The following MFHAS1 variants were observed in gnomAD, a reference collection of about 807,000 sequenced individuals.
MFHAS1 encodes the protein malignant fibrous histiocytoma-amplified sequence 1.
In MFHAS1, 50 loss-of-function variants were observed where a neutral mutation model predicts 70.4. That is an observed-to-expected ratio of 0.71 (90% CI 0.57 to 0.90). The LOEUF is 0.90. MFHAS1 is among the 40% of genes least tolerant of loss of function. MFHAS1 has a pLI of 0.00. For missense variants in MFHAS1, 1,795 were observed against 1,347.6 expected (o/e 1.33, Z -5.20); for synonymous variants, 952 against 620.0 (o/e 1.54, Z -7.96).
intron 1 of MFHAS1, among the ~76,000 whole-genome samples, chr8:8,866,837 G>C (rs938575333): frequency 6.6e-6 from 1 of 152,202 alleles, no homozygotes; most frequent in Non-Finnish European, 1.5e-5. Flanking sequence ...TTACCTTGAG[G>C]AATCTGAAAA....
At position 8,892,624 on chromosome 8, in the gene MFHAS1, G is replaced by A; in HGVS notation, c.435C>T (p.Asn145=). Residue 145 remains asparagine, a synonymous_variant, in exon 1 of 3, where the codon AAC becomes AAT. Coordinates refer to ENST00000276282, the MANE Select transcript of MFHAS1 (RefSeq NM_004225.3). The surrounding 1 kb of genome is among the most constrained non-coding windows in gnomAD (Gnocchi z 4.7). ...RELRKLNLSH[N]QLPALPAQLG... is the part of the protein sequence containing the mutation. Reference sequence around the variant, plus strand: ...GCTGGGCGGGCAGGGCGGGCAGCTGGTTGTGGCTGAGGTTGAGCTTCCGCA... The same window carrying A: ...GCTGGGCGGGCAGGGCGGGCAGCTGATTGTGGCTGAGGTTGAGCTTCCGCA... 1 of 1,606,672 alleles carries A rather than the reference G, an allele frequency of 6.2e-7. No homozygotes were observed. Among genetic ancestry groups the A allele is most frequent in the Non-Finnish European group, 8.5e-7 (1 of 1,177,204 alleles).
intron 1 of MFHAS1, among the ~76,000 whole-genome samples, chr8:8,802,640 A>C (rs558640819): frequency 6.6e-6 from 1 of 152,306 alleles, no homozygotes; most frequent in South Asian, 2.1e-4. Context: ...GGTATGGAGC[A>C]GCTCCTTGCA....
chr8:8,842,439 G>A (rs936389793), intron 1 of MFHAS1, among the ~76,000 whole-genome samples: 1 of 152,132 alleles, frequency 6.6e-6, no homozygotes, highest in Non-Finnish European at 1.5e-5. Flanking sequence ...ACCCACCTCA[G>A]CCTCCCAAAG....
At chr8:8,791,377 G>T (rs1805714539) in intron 2 of MFHAS1, among the ~76,000 whole-genome samples, 1 of 152,110 alleles carries the variant, frequency 6.6e-6, no homozygotes, top group African/African-American at 2.4e-5. Flanking sequence ...ATGCCTCAAG[G>T]TAAAACATTT....
rs137896964 is a variant in MFHAS1 at position 8,832,627 on chromosome 8, C to CTTTT, written c.2999-35140_2999-35137dup. ...CATGTGATGCAACCAGAATTTTTTT[C>CTTTT]TTTTTTTTTTTTTTTTTTCAAGACA... is the stretch of plus-strand genomic sequence containing the variant. On this transcript the variant is annotated intron_variant, in intron 1 of 2. Transcript: ENST00000276282. Among the ~76,000 whole-genome samples the CTTTT allele has an allele frequency of 2.4e-4, 29 of 121,912 alleles. 1 individual carries two copies. Among genetic ancestry groups the CTTTT allele is most frequent in the Admixed American group, 4.1e-4 (4 of 9,730 alleles). The allele number at this position is 121,912 out of a possible 152,430, so 80.0% of individuals were successfully genotyped here.
intron 2 of MFHAS1, among the ~76,000 whole-genome samples, chr8:8,788,697 T>C (rs1805630858): frequency 6.6e-6 from 1 of 151,942 alleles, no homozygotes; most frequent in Non-Finnish European, 1.5e-5. Context: ...AAACAAAAAG[T>C]ATTGAGGAGA....
intron 2 of MFHAS1, 114 bp from the exon 3 acceptor site, chr8:8,786,169 T>C (rs1248869503): frequency 3.0e-6 from 3 of 1,004,676 alleles, no homozygotes; most frequent in Non-Finnish European, 4.7e-6. Flanking sequence ...CATATTTTCA[T>C]TTCTACTTCC....
chr8:8,886,481 G>A (rs1335216933), intron 1 of MFHAS1, among the ~76,000 whole-genome samples: 1 of 151,968 alleles, frequency 6.6e-6, no homozygotes, highest in Non-Finnish European at 1.5e-5. Flanking sequence ...TACTTTTCTT[G>A]TATAAACCAA....
At chr8:8,875,081 T>C (rs1262897742) in intron 1 of MFHAS1, among the ~76,000 whole-genome samples, 1 of 152,216 alleles carries the variant, frequency 6.6e-6, no homozygotes, top group Non-Finnish European at 1.5e-5. Flanking sequence ...ATTTTATAGA[T>C]GATACCCAAT....
At chr8:8,824,227 C>T (rs1329509786) in intron 1 of MFHAS1, among the ~76,000 whole-genome samples, 7 of 151,868 alleles carry the variant, frequency 4.6e-5, no homozygotes, top group Non-Finnish European at 1.0e-4. Flanking sequence ...CTGCGGGGAG[C>T]AGGATGCCTG....
At chr8:8,860,341 TAAC>T (rs1053559812) in intron 1 of MFHAS1, among the ~76,000 whole-genome samples, 5 of 152,110 alleles carry the variant, frequency 3.3e-5, no homozygotes, top group African/African-American at 9.7e-5. Flanking sequence ...CATGTAAAAA[TAAC>T]AACAACCCCT....
chr8:8,784,843 T>G lies in MFHAS1; in HGVS notation c.*1179A>C, dbSNP rs1171275091. 6.6e-6 allele frequency: 1 copy of G among 152,228 alleles called. No homozygotes were observed. The highest frequency in any genetic ancestry group is 1.9e-4 in the East Asian group (1 of 5,204). The allele number at this position is 152,228 out of a possible 1,614,324, so 9.4% of individuals were successfully genotyped here. On this transcript the variant is annotated 3_prime_UTR_variant, in exon 3 of 3. Coordinates refer to ENST00000276282, the MANE Select transcript of MFHAS1 (RefSeq NM_004225.3). ...TAGAATGGAGAGCAATTTGTTTGGTTGGCTTTTTAAGTTTTACCTTGTGAA... is the reference window on the plus strand; with the variant it reads ...TAGAATGGAGAGCAATTTGTTTGGTGGGCTTTTTAAGTTTTACCTTGTGAA...
intron 1 of MFHAS1, among the ~76,000 whole-genome samples, chr8:8,832,678 G>A (rs778724905): frequency 1.0e-4 from 14 of 136,152 alleles, no homozygotes; most frequent in Non-Finnish European, 1.8e-4. Context: ...GCCCAGGCTG[G>A]AGTGTGGTGG....
chr8:8,847,030 A>G, intron 1 of MFHAS1, among the ~76,000 whole-genome samples: 1 of 152,224 alleles, frequency 6.6e-6, no homozygotes, highest in Non-Finnish European at 1.5e-5. Context: ...GTGAATTCCA[A>G]CATCCCTCCT....
intron 1 of MFHAS1, among the ~76,000 whole-genome samples, chr8:8,818,096 G>C (rs74751801): frequency 1.3e-5 from 2 of 152,252 alleles, no homozygotes; most frequent in African/African-American, 4.8e-5. Context: ...TACTCTTTCA[G>C]AATGTTCTAA....
intron 2 of MFHAS1, among the ~76,000 whole-genome samples, chr8:8,796,068 C>T (rs1182494830): frequency 6.6e-6 from 1 of 152,162 alleles, no homozygotes; most frequent in Non-Finnish European, 1.5e-5. Context: ...TTAAAAGCGG[C>T]CTCTTTGGTT....
At chr8:8,861,732 A>G (rs150843005) in intron 1 of MFHAS1, among the ~76,000 whole-genome samples, 1 of 152,208 alleles carries the variant, frequency 6.6e-6, no homozygotes, top group Non-Finnish European at 1.5e-5. Context: ...TCTGCAGTAA[A>G]TCCCTTCCCC....
intron 2 of MFHAS1, among the ~76,000 whole-genome samples, chr8:8,787,056 T>A (rs530492232): frequency 6.6e-6 from 1 of 151,786 alleles, no homozygotes; most frequent in Non-Finnish European, 1.5e-5. Context: ...TCCCACCATG[T>A]AAGCTCCATC....
chr8:8,855,576 C>T lies in MFHAS1; in HGVS notation c.2998+34485G>A, dbSNP rs1438261962. Among the ~76,000 whole-genome samples, 5 of 152,210 alleles carry T rather than the reference C, an allele frequency of 3.3e-5. No individual in the cohort carries two copies. In the East Asian group the frequency reaches 9.6e-4, roughly 29 times the overall value. On this transcript the variant is annotated intron_variant, in intron 1 of 2. Transcript: ENST00000276282. ...CATGAACTCGCTACAGTGTTTTCAG[C>T]CAGGCACGGTGGCTCACACCTGTAA...
Sources: gnomAD v4.1 joint callset for allele counts (sites outside exome capture counted in the v4.1 genomes callset) on GRCh38, gnomAD v4.1.1 for gene constraint, Gnocchi (gnomAD v3.1) non-coding constraint, MANE v1.5 for transcripts, NCBI Gene and HGNC (gene_info 2026-07-23, HGNC 2026-07-21) for gene names.